The following MEGF11 variants were observed in gnomAD, a reference collection of about 807,000 sequenced individuals.
MEGF11 encodes multiple epidermal growth factor-like domains protein 11.
MEGF11 carries 126 observed loss-of-function variants against 146.6 expected under a neutral mutation model. The ratio of observed to expected loss-of-function variants is 0.86; its 90% confidence interval spans 0.74 to 1.00. MEGF11 has a LOEUF of 1.00. Ranked by LOEUF, MEGF11 falls within the 50% of genes least tolerant of loss-of-function variation. MEGF11 has a pLI of 0.00. For missense variants in MEGF11, 1,509 were observed against 1,521.2 expected, an observed-to-expected ratio of 0.99 and a Z score of 0.13; for synonymous variants, 532 against 583.4, an observed-to-expected ratio of 0.91 and a Z score of 1.27.
chr15:66,231,583 G>T (rs565877282), intron 1 of MEGF11, among the ~76,000 whole-genome samples: 1 of 152,062 alleles, frequency 6.6e-6, no homozygotes, highest in African/African-American at 2.4e-5. Flanking sequence ...TGCTCCAACC[G>T]TCTCCTGAGT....
At chr15:66,023,243 C>T (rs973468377) in intron 5 of MEGF11, among the ~76,000 whole-genome samples, 4 of 152,086 alleles carry the variant, frequency 2.6e-5, no homozygotes, top group Non-Finnish European at 5.9e-5. Context: ...GGAGAGAGGC[C>T]AGTAGCAGCT....
intron 4 of MEGF11, among the ~76,000 whole-genome samples, chr15:66,118,210 C>G (rs1422030429): frequency 6.6e-6 from 1 of 152,120 alleles, no homozygotes; most frequent in Non-Finnish European, 1.5e-5. Flanking sequence ...CTGGAAAGTC[C>G]ACTGGCCCCA....
At chr15:66,169,787 G>T (rs1225301775) in intron 1 of MEGF11, among the ~76,000 whole-genome samples, 1 of 152,208 alleles carries the variant, frequency 6.6e-6, no homozygotes, top group Non-Finnish European at 1.5e-5. Context: ...GGCCAGCGCT[G>T]CTGGGTTCCT....
chr15:65,981,953 T>C (rs1235993027), intron 6 of MEGF11, among the ~76,000 whole-genome samples: 3 of 152,072 alleles, frequency 2.0e-5, no homozygotes, highest in East Asian at 3.9e-4. Context: ...ACTCGGGCAG[T>C]CTCAGGAAGG....
intron 5 of MEGF11, among the ~76,000 whole-genome samples, chr15:66,093,323 T>C (rs1196119142): frequency 6.6e-6 from 1 of 152,148 alleles, no homozygotes; most frequent in African/African-American, 2.4e-5. Flanking sequence ...TAACTAGATA[T>C]TTCCACTGCA....
At chr15:66,094,780 G>A (rs186374219) in intron 4 of MEGF11, among the ~76,000 whole-genome samples, 2 of 152,268 alleles carry the variant, frequency 1.3e-5, no homozygotes, top group East Asian at 1.9e-4. Context: ...TTCCTGCAAC[G>A]TTTAACAACA....
In MEGF11 at chr15:65,922,376, TCA is replaced by T; in HGVS notation, c.1917_1918del (p.Cys639Ter). On this transcript the variant is annotated stop_gained and frameshift_variant, in exon 15 of 26. Transcript: ENST00000395614. LOFTEE classifies it high-confidence loss of function. ...AGCTCCAGAGAATCCTGGGAGGCAC[TCA>T]CAGATGCCGCTGATGTGGTGGCAGG... 1 of 1,604,290 alleles carries T rather than the reference TCA, an allele frequency of 6.2e-7. No homozygotes were observed. Among genetic ancestry groups the T allele is most frequent in the Non-Finnish European group, 8.5e-7 (1 of 1,175,688 alleles).
chr15:66,236,233 C>A (rs2092088254), intron 1 of MEGF11, among the ~76,000 whole-genome samples: 1 of 152,188 alleles, frequency 6.6e-6, no homozygotes, highest in South Asian at 2.1e-4. Flanking sequence ...CGGCTTGGTG[C>A]TACCCAAGCA....
intron 19 of MEGF11, among the ~76,000 whole-genome samples, chr15:65,914,350 C>T (rs1291519522): frequency 6.6e-6 from 1 of 152,186 alleles, no homozygotes; most frequent in Non-Finnish European, 1.5e-5. Flanking sequence ...CCCAAGATTA[C>T]ATAACCTATA....
Position 66,095,863 on chromosome 15 carries a change from C to T in MEGF11, c.302-1369G>A, listed in dbSNP as rs767772486. Among the ~76,000 whole-genome samples, 4 of 152,312 alleles carry T rather than the reference C, an allele frequency of 2.6e-5. No homozygotes were observed. In the South Asian group the frequency reaches 6.2e-4, roughly 24 times the overall value. ...GCTTCCCCAGTGCTGGAGCCCCGCT[C>T]GCTTGCAGCCCTGAGAAGCGGCTAA... On this transcript the variant is annotated intron_variant, in intron 4 of 25. Coordinates refer to ENST00000395614, the MANE Select transcript of MEGF11 (RefSeq NM_001385028.1).
intron 5 of MEGF11, among the ~76,000 whole-genome samples, chr15:66,059,556 C>T (rs1318169277): frequency 2.0e-5 from 3 of 152,254 alleles, no homozygotes; most frequent in African/African-American, 7.2e-5. Context: ...TTTGACTCAG[C>T]AAAACTCCCA....
intron 10 of MEGF11, among the ~76,000 whole-genome samples, chr15:65,936,393 A>G (rs893849895): frequency 6.6e-6 from 1 of 152,262 alleles, no homozygotes; most frequent in Middle Eastern, 3.4e-3. Context: ...TACATAATGG[A>G]TCCTTGATAA....
At chr15:65,921,275 A>G (rs1023602261) in intron 15 of MEGF11, among the ~76,000 whole-genome samples, 2 of 152,162 alleles carry the variant, frequency 1.3e-5, no homozygotes, top group African/African-American at 4.8e-5. Context: ...TTTTAGCCCT[A>G]AGTTTAACTT....
At chr15:66,024,176 A>G (rs1345243312) in intron 5 of MEGF11, among the ~76,000 whole-genome samples, 1 of 152,226 alleles carries the variant, frequency 6.6e-6, no homozygotes, top group Non-Finnish European at 1.5e-5. Flanking sequence ...CCAAACCAAA[A>G]GCTGGAAGAA....
intron 1 of MEGF11, among the ~76,000 whole-genome samples, chr15:66,186,904 G>A (rs766940744): frequency 6.6e-6 from 1 of 152,180 alleles, no homozygotes; most frequent in Non-Finnish European, 1.5e-5. Context: ...CCTTAAACTA[G>A]AGGCAGCACT....
chr15:65,918,170 G>A (rs1179595092), intron 15 of MEGF11, 76 bp from the exon 16 acceptor site: 1 of 1,587,104 alleles, frequency 6.3e-7, no homozygotes, highest in Non-Finnish European at 8.6e-7. Context: ...CTCATCCCTA[G>A]AAGTTCCCAA....
At chr15:66,048,817 G>A (rs1000389466) in intron 5 of MEGF11, among the ~76,000 whole-genome samples, 1 of 152,222 alleles carries the variant, frequency 6.6e-6, no homozygotes, top group South Asian at 2.1e-4. Context: ...AAATCCTAAC[G>A]CTATCCCCTT....
chr15:65,919,448 A>C (rs2079104698), intron 15 of MEGF11, among the ~76,000 whole-genome samples: 1 of 152,200 alleles, frequency 6.6e-6, no homozygotes, highest in African/African-American at 2.4e-5. Context: ...TACAAAAGTT[A>C]TGTTTACATT....
chr15:66,038,636 G>T (rs2083820552), intron 5 of MEGF11, among the ~76,000 whole-genome samples: 1 of 152,144 alleles, frequency 6.6e-6, no homozygotes, highest in Admixed American at 6.5e-5. Flanking sequence ...CTGAGGCCCA[G>T]GCAAGCTAAG....
Sources: gnomAD v4.1 joint callset for allele counts (sites outside exome capture counted in the v4.1 genomes callset) on GRCh38, gnomAD v4.1.1 for gene constraint, MANE v1.5 for transcripts, NCBI Gene and HGNC (gene_info 2026-07-23, HGNC 2026-07-21) for gene names.